SYTL2: variants seen among roughly 807,000 people sequenced by gnomAD.
SYTL2 encodes synaptotagmin like 2.
In SYTL2, 165 loss-of-function variants were observed where a neutral mutation model predicts 198.7. That is an observed-to-expected ratio of 0.83 (90% CI 0.73 to 0.94). The LOEUF (loss-of-function observed/expected upper bound fraction) is 0.94, where lower values mean the gene tolerates loss of function less well. Among genes scored for constraint, SYTL2 ranks in the 40% least tolerant of loss-of-function variants. The pLI is 0.00. For missense variants in SYTL2, 2,835 were observed against 2,582.8 expected (o/e 1.10, Z -2.12); for synonymous variants, 966 against 917.7 (o/e 1.05, Z -0.95).
intron 7 of SYTL2, among the ~76,000 whole-genome samples, chr11:85,728,250 T>C (rs535694499): frequency 5.3e-5 from 8 of 152,310 alleles, no homozygotes; most frequent in Middle Eastern, 6.8e-3. Flanking sequence ...ATTTTAAAAA[T>C]ACATGTGAAT....
At chr11:85,735,549 G>A (rs1382096211) in intron 6 of SYTL2, among the ~76,000 whole-genome samples, 2 of 152,136 alleles carry the variant, frequency 1.3e-5, no homozygotes, top group African/African-American at 4.8e-5. Context: ...TTGAGTCCAG[G>A]AGTTTGAGAC....
At position 85,727,867 on chromosome 11, in the gene SYTL2, T is replaced by C; in HGVS notation, c.1491A>G (p.Lys497=). The C allele has an allele frequency of 1.9e-6, 3 of 1,612,728 alleles. No homozygotes were observed. In the South Asian group the frequency reaches 3.3e-5, roughly 18 times the overall value. The change falls in exon 8 of 20, where the codon AAA becomes AAG. Residue 497 remains lysine (K), a synonymous_variant. Transcript: ENST00000359152. Reference sequence around the variant, plus strand: ...GACCAGAACGTGAAGATGTCTTAGCTTTTAGAGCCGGGAGAGGAGGGGGCT... The same window carrying C: ...GACCAGAACGTGAAGATGTCTTAGCCTTTAGAGCCGGGAGAGGAGGGGGCT... The part of the protein sequence containing the change: ...QGKPPPLPAL[K]AKTSSRSGPY...
intron 1 of SYTL2, among the ~76,000 whole-genome samples, chr11:85,792,098 A>C (rs1348077115): frequency 1.3e-5 from 2 of 152,222 alleles, no homozygotes; most frequent in East Asian, 3.9e-4. Context: ...TAGACAAAAA[A>C]AATGGTTAGA....
At position 85,719,396 on chromosome 11, in the gene SYTL2, G is replaced by A. The variant is rs537107751; in HGVS notation, c.5429-553C>T. 12 of 991,738 alleles carry A rather than the reference G, an allele frequency of 1.2e-5. No homozygotes were observed. The South Asian group carries it at 2.7e-4, about 22-fold the overall frequency. The allele number at this position is 991,738 out of a possible 1,614,324, so 61.4% of individuals were successfully genotyped here. A position where few individuals can be genotyped will look rare whatever the true frequency, so the allele number is the denominator to read the frequency against. ...GTGCAGGAATACCCGTCAGCTGATG[G>A]TGATTTTTTTTTAACCCTATACATT... On this transcript the variant is annotated intron_variant, in intron 9 of 19. Transcript: ENST00000359152.
At chr11:85,811,220 G>A (rs2093028451), upstream of SYTL2, 1 of 151,838 alleles carries the variant, frequency 6.6e-6, no homozygotes, top group South Asian at 2.1e-4. Flanking sequence ...CCGGTCCCGG[G>A]TGCTCGGGCC....
At chr11:85,758,821 C>T (rs987676665) in intron 1 of SYTL2, among the ~76,000 whole-genome samples, 2 of 152,198 alleles carry the variant, frequency 1.3e-5, no homozygotes, top group Non-Finnish European at 2.9e-5. Context: ...ATCTTCAATA[C>T]ATATGTAATG....
rs2088783334 is a variant in SYTL2 at position 85,724,195 on chromosome 11, G to A, written c.5163C>T (p.Leu1721=). The A allele has an allele frequency of 6.3e-7, 1 of 1,599,952 alleles. No homozygotes were observed. Among genetic ancestry groups the A allele is most frequent in the Middle Eastern group, 1.7e-4 (1 of 5,974 alleles). ...SVSRNRQPIP[L]LMNKENSTKT... ...TTGTAGAGTTTTCTTTGTTCATCAG[G>A]AGAGGAATGGGTTGCCTATTTCTGG... The change falls in exon 8 of 20, where the codon CTC becomes CTT. Residue 1721 remains leucine (L), a synonymous_variant. Transcript: ENST00000359152.
At chr11:85,722,170 A>AT (rs574669583) in intron 8 of SYTL2, among the ~76,000 whole-genome samples, 1,186 of 94,620 alleles carry the variant, frequency 0.013, 98 homozygotes, top group Middle Eastern at 0.022. Flanking sequence ...TGTTTAGGTG[A>AT]TTTTTTTTTT....
At chr11:85,841,244 T>C in the SYTL2 span, among the ~76,000 whole-genome samples, 65 of 152,312 alleles carry the variant, frequency 4.3e-4, no homozygotes, top group East Asian at 0.01. Context: ...AGTTCAACCA[T>C]TGTAGAAGAC....
chr11:85,829,790 G>T, the SYTL2 span, among the ~76,000 whole-genome samples: 1 of 152,150 alleles, frequency 6.6e-6, no homozygotes, highest in South Asian at 2.1e-4. Flanking sequence ...TTTCTCTGAT[G>T]ATTAATGATG....
At chr11:85,851,351 G>C in the SYTL2 span, among the ~76,000 whole-genome samples, 40 of 152,336 alleles carry the variant, frequency 2.6e-4, no homozygotes, top group Middle Eastern at 3.4e-3. Context: ...AGTTTGAACT[G>C]GTTCGCAAAG....
Position 85,810,091 on chromosome 11 carries a change from C to T in SYTL2, c.-390+863G>A, listed in dbSNP as rs2093011246. Among the ~76,000 whole-genome samples the T allele has an allele frequency of 2.0e-5, 3 of 152,186 alleles. No individual in the cohort carries two copies. In the South Asian group the frequency reaches 6.2e-4, roughly 31 times the overall value. On this transcript the variant is annotated intron_variant, in intron 1 of 19. Transcript: ENST00000359152. ...CAGGGTCTATCTGTCTGAAGCCCCA[C>T]CGGGCTTCCTCTGCACATCCCTGCC...
At chr11:85,738,953 G>A (rs559003955) in intron 4 of SYTL2, among the ~76,000 whole-genome samples, 43 of 152,108 alleles carry the variant, frequency 2.8e-4, no homozygotes, top group African/African-American at 8.9e-4. Context: ...CCTCCAGGCC[G>A]CCAGCCTCAA....
At chr11:85,789,332 GT>G (rs2092686373) in intron 1 of SYTL2, among the ~76,000 whole-genome samples, 1 of 29,820 alleles carries the variant, frequency 3.4e-5, no homozygotes, top group African/African-American at 1.6e-4. Flanking sequence ...GTATGTGTGT[GT>G]GTGTGTGTAT....
intron 9 of SYTL2, 89 bp downstream of exon 9, chr11:85,720,769 A>G: frequency 1.1e-6 from 1 of 911,740 alleles, no homozygotes; most frequent in Non-Finnish European, 1.8e-6. Flanking sequence ...GGTGCAGTGC[A>G]CAACAGCACG....
intron 16 of SYTL2, among the ~76,000 whole-genome samples, chr11:85,700,878 A>G (rs2084186660): frequency 6.6e-6 from 1 of 152,188 alleles, no homozygotes; most frequent in African/African-American, 2.4e-5. Context: ...TGGAGATGGG[A>G]GAGGTTTCTT....
At chr11:85,762,642 G>A (rs1404578084) in intron 1 of SYTL2, among the ~76,000 whole-genome samples, 1 of 152,172 alleles carries the variant, frequency 6.6e-6, no homozygotes, top group East Asian at 1.9e-4. Flanking sequence ...CTTGCCTTCA[G>A]GCTTTTGCAT....
In SYTL2 at chr11:85,737,662, A is replaced by G. The variant is rs1169619678; in HGVS notation, c.390-6T>C. 1.2e-6 allele frequency: 2 copies of G among 1,610,430 alleles called. No homozygotes were observed. Among genetic ancestry groups the G allele is most frequent in the Admixed American group, 1.7e-5 (1 of 59,840 alleles). ...CTGGATTTACCACACTGGAACTGCA[A>G]AAGAAACAATAATTCAGAGAATAAA... On this transcript the variant is annotated splice_region_variant and splice_polypyrimidine_tract_variant and intron_variant, in intron 4 of 19. Transcript: ENST00000359152.
the SYTL2 span, among the ~76,000 whole-genome samples, chr11:85,839,783 CTTTT>C: frequency 1.3e-5 from 2 of 152,174 alleles, no homozygotes; most frequent in Non-Finnish European, 2.9e-5. Flanking sequence ...GATTTCCTTT[CTTTT>C]GAGTATATAC....
Sources: allele counts gnomAD v4.1 joint callset (sites outside exome capture counted in the v4.1 genomes callset), GRCh38; gene constraint gnomAD v4.1.1; transcripts MANE v1.5; gene names NCBI Gene and HGNC (gene_info 2026-07-23, HGNC 2026-07-21).